Variants in ANK2 observed in about 807,000 individuals in gnomAD.
ANK2 encodes the protein ankyrin-2.
Under a neutral mutation model 360.5 loss-of-function variants are expected in ANK2, and 83 were observed. That is an observed-to-expected ratio of 0.23 (90% CI 0.19 to 0.28). ANK2 has a LOEUF of 0.28. Ranked by LOEUF, ANK2 falls within the 10% of genes least tolerant of loss-of-function variation. The pLI, the probability that ANK2 is intolerant of heterozygous loss-of-function variation, is 1.00. For missense variants in ANK2, 4,201 were observed against 4,795.7 expected (o/e 0.88, Z 3.66); for synonymous variants, 1,740 against 1,759.5 (o/e 0.99, Z 0.28).
chr4:113,368,525 T>C lies in ANK2; in HGVS notation c.11318+674T>C, dbSNP rs75133197. The stretch of plus-strand genomic sequence containing the variant: ...CTGCAGGCCTAATTTGGCTCAGAAT[T>C]TAAGTTCCGGCCTTTATGGAAGCCA... On this transcript the variant is annotated intron_variant, in intron 42 of 45. Coordinates refer to ENST00000357077, the MANE Select transcript of ANK2 (RefSeq NM_001148.6). 9.6e-3 allele frequency among the ~76,000 whole-genome samples: 1,456 copies of C among 152,320 alleles called. 25 individuals carry two copies. Among genetic ancestry groups the C allele is most frequent in the African/African-American group, 0.033 (1,372 of 41,572 alleles).
the ANK2 span, among the ~76,000 whole-genome samples, chr4:112,768,492 A>C: frequency 2.6e-5 from 4 of 151,872 alleles, no homozygotes; most frequent in Admixed American, 6.6e-5. Context: ...GGGCTCAAGC[A>C]ATCCGCCCAC....
rs1480226738 is a variant in ANK2 at position 113,357,670 on chromosome 4, A to T, written c.9052A>T (p.Thr3018Ser). The T allele has an allele frequency of 6.2e-7, 1 of 1,614,050 alleles. No homozygotes were observed. The highest frequency in any genetic ancestry group is 1.3e-5 in the African/African-American group (1 of 74,942). The change falls in exon 38 of 46, where the codon ACT becomes TCT. Residue 3018 changes from threonine to serine, a missense_variant. Physicochemically the swap from Thr to Ser is moderately conservative, Grantham distance 58 (BLOSUM62 1). Transcript: ENST00000357077. ...SDSVSSSFEP[T>S]MSATTTVVGE... ...CAGTGTCTCTTCATCTTTCGAGCCT[A>T]CTATGTCCGCTACAACAACAGTTGT...
intron 1 of ANK2, among the ~76,000 whole-genome samples, chr4:112,854,098 G>A (rs1423225587): frequency 6.6e-6 from 1 of 152,166 alleles, no homozygotes; most frequent in Non-Finnish European, 1.5e-5. Context: ...TAGATGAGGA[G>A]GAATGGGGAC....
intron 1 of ANK2, among the ~76,000 whole-genome samples, chr4:113,099,003 C>A (rs913620874): frequency 1.4e-4 from 22 of 151,832 alleles, no homozygotes; most frequent in African/African-American, 4.6e-4. Context: ...CTGAGGGGAA[C>A]TTCCTTAACC....
chr4:113,332,701 C>T (rs143720055), intron 28 of ANK2, among the ~76,000 whole-genome samples: 2 of 152,332 alleles, frequency 1.3e-5, no homozygotes, highest in East Asian at 3.9e-4. Context: ...CATTTTGCAC[C>T]TTGTCGAAAA....
In ANK2 at chr4:113,145,953, C is replaced by T. The variant is rs1264843271; in HGVS notation, c.85-28463C>T. ...AAACATGCAGGAACTGGATAAAACC[C>T]CAGACTACTATGGCTGTAACAGTGA... On this transcript the variant is annotated intron_variant, in intron 1 of 45. Transcript: ENST00000357077. 5 of 1,289,674 alleles carry T rather than the reference C, an allele frequency of 3.9e-6. No homozygotes were observed. The African/African-American group carries it at 6.1e-5, about 16-fold the overall frequency. 79.9% of individuals were successfully genotyped at this position (1,289,674 alleles called of 1,614,324 possible). A position where few individuals can be genotyped will look rare whatever the true frequency, so the allele number is the denominator to read the frequency against.
At chr4:113,121,284 A>G (rs2095335822) in intron 1 of ANK2, among the ~76,000 whole-genome samples, 1 of 152,162 alleles carries the variant, frequency 6.6e-6, no homozygotes. Context: ...ATTTGAATCC[A>G]GGTCTGTCTG....
At chr4:112,934,133 A>T (rs377629282) in intron 2 of ANK2, among the ~76,000 whole-genome samples, 3 of 152,180 alleles carry the variant, frequency 2.0e-5, no homozygotes, top group East Asian at 3.9e-4. Context: ...CGGGAGACAG[A>T]ATTGTGACCA....
At chr4:113,117,717 T>C (rs918510527) in intron 1 of ANK2, among the ~76,000 whole-genome samples, 1 of 152,216 alleles carries the variant, frequency 6.6e-6, no homozygotes, top group African/African-American at 2.4e-5. Flanking sequence ...TTCAGGCTAC[T>C]CTTAGTACTG....
At chr4:112,827,769 AT>A (rs980773315) in intron 1 of ANK2, among the ~76,000 whole-genome samples, 1 of 152,244 alleles carries the variant, frequency 6.6e-6, no homozygotes, top group Non-Finnish European at 1.5e-5. Flanking sequence ...AAGAATCAAT[AT>A]TGTTAAAATG....
intron 2 of ANK2, among the ~76,000 whole-genome samples, chr4:113,008,067 TG>T (rs777423745): frequency 1.3e-5 from 2 of 151,606 alleles, no homozygotes; most frequent in Non-Finnish European, 2.9e-5. Context: ...TAGTTTTACC[TG>T]GAAAAAGTGG....
chr4:112,801,224 A>G, the ANK2 span, among the ~76,000 whole-genome samples: 1 of 152,162 alleles, frequency 6.6e-6, no homozygotes, highest in Admixed American at 6.5e-5. Flanking sequence ...CTTAAATGCA[A>G]ATTGTTCCTC....
At chr4:113,186,498 C>G (rs1471009668) in intron 2 of ANK2, among the ~76,000 whole-genome samples, 1 of 151,940 alleles carries the variant, frequency 6.6e-6, no homozygotes, top group Non-Finnish European at 1.5e-5. Context: ...TTTCTTCCCT[C>G]TGTAGAAGTT....
In ANK2 at chr4:113,324,615, A is replaced by T. The variant is rs188698756; in HGVS notation, c.2901-5631A>T. On this transcript the variant is annotated intron_variant, in intron 26 of 45. Transcript: ENST00000357077. ...TTGGTGATTTTAAAAAATTTGAACCACTTTTTTCAAAGCCATATCCAAGCA... is the reference window on the plus strand; with the variant it reads ...TTGGTGATTTTAAAAAATTTGAACCTCTTTTTTCAAAGCCATATCCAAGCA... Among the ~76,000 whole-genome samples, 28 of 152,308 alleles carry T rather than the reference A, an allele frequency of 1.8e-4. No homozygotes were observed. The East Asian group carries it at 4.8e-3, about 26-fold the overall frequency.
chr4:112,816,666 G>A (rs2055667066), upstream of ANK2, among the ~76,000 whole-genome samples: 1 of 152,120 alleles, frequency 6.6e-6, no homozygotes, highest in South Asian at 2.1e-4. Context: ...ATAGGAAACA[G>A]CTAATTATTA....
chr4:113,185,166 A>G (rs2098495298), intron 2 of ANK2, among the ~76,000 whole-genome samples: 1 of 152,220 alleles, frequency 6.6e-6, no homozygotes, highest in African/African-American at 2.4e-5. Flanking sequence ...CAATGAACAC[A>G]CATGTGCATG....
intron 2 of ANK2, among the ~76,000 whole-genome samples, chr4:112,964,545 A>G (rs937497787): frequency 1.3e-5 from 2 of 149,840 alleles, no homozygotes; most frequent in African/African-American, 2.4e-5. Flanking sequence ...TCCTTTTTGT[A>G]TATGTACCAC....
At chr4:113,127,846 C>T (rs2095759760) in intron 1 of ANK2, among the ~76,000 whole-genome samples, 1 of 151,910 alleles carries the variant, frequency 6.6e-6, no homozygotes, top group Admixed American at 6.6e-5. Context: ...GAGAGATGAA[C>T]AGGGCTTGGA....
chr4:113,093,696 CT>C, intron 1 of ANK2, among the ~76,000 whole-genome samples: 1 of 152,344 alleles, frequency 6.6e-6, no homozygotes, highest in Admixed American at 6.5e-5. Context: ...TTTATTAAAG[CT>C]TCAAATAAAA....
Sources: allele counts gnomAD v4.1 joint callset (sites outside exome capture counted in the v4.1 genomes callset), GRCh38; gene constraint gnomAD v4.1.1; transcripts MANE v1.5; gene names NCBI Gene and HGNC (gene_info 2026-07-23, HGNC 2026-07-21).